GLIS1: variants seen among roughly 807,000 people sequenced by gnomAD.
The protein encoded by GLIS1 is zinc finger protein GLIS1.
Under a neutral mutation model 63.8 loss-of-function variants are expected in GLIS1, and 24 were observed. The observed-to-expected ratio is 0.38, with a 90% CI of 0.27 to 0.53. The LOEUF (loss-of-function observed/expected upper bound fraction) is 0.53, where lower values mean the gene tolerates loss of function less well. Among genes scored for constraint, GLIS1 ranks in the 20% least tolerant of loss-of-function variants. The pLI, the probability that GLIS1 is intolerant of heterozygous loss-of-function variation, is 0.85. For missense variants in GLIS1, 1,036 were observed against 1,074.1 expected, an observed-to-expected ratio of 0.96 and a Z score of 0.50; for synonymous variants, 450 against 482.5, an observed-to-expected ratio of 0.93 and a Z score of 0.88.
At chr1:53,663,031 T>C (rs1430831998) in intron 2 of GLIS1, among the ~76,000 whole-genome samples, 1 of 152,156 alleles carries the variant, frequency 6.6e-6, no homozygotes, top group Non-Finnish European at 1.5e-5. Flanking sequence ...ATGAATGGCC[T>C]CTTCCATCAC....
At chr1:53,612,656 G>A (rs1378144517) in intron 2 of GLIS1, among the ~76,000 whole-genome samples, 1 of 152,132 alleles carries the variant, frequency 6.6e-6, no homozygotes, top group African/African-American at 2.4e-5. Flanking sequence ...TAAGGCTATA[G>A]AAAGATCTGT....
chr1:53,524,351 C>T (rs982335603), intron 6 of GLIS1, among the ~76,000 whole-genome samples: 6 of 152,272 alleles, frequency 3.9e-5, no homozygotes, highest in African/African-American at 7.2e-5. Context: ...CTCTGCACAT[C>T]TCTCTCGCCA....
chr1:53,650,746 A>C (rs1002575007), intron 2 of GLIS1, among the ~76,000 whole-genome samples: 2 of 152,208 alleles, frequency 1.3e-5, no homozygotes, highest in African/African-American at 4.8e-5. Context: ...ATTACAGACT[A>C]AAGAGATGGC....
intron 4 of GLIS1, among the ~76,000 whole-genome samples, chr1:53,573,186 A>G (rs1335654788): frequency 2.6e-5 from 4 of 152,134 alleles, no homozygotes; most frequent in African/African-American, 4.8e-5. Flanking sequence ...CTCAATTACC[A>G]AGTGGCAGGC....
At chr1:53,717,002 G>A (rs1208589017) in intron 2 of GLIS1, among the ~76,000 whole-genome samples, 1 of 152,170 alleles carries the variant, frequency 6.6e-6, no homozygotes, top group Non-Finnish European at 1.5e-5. Flanking sequence ...GGTAGAGTGG[G>A]GGAAATGCAG....
chr1:53,548,013 C>T (rs1226375659), intron 4 of GLIS1, among the ~76,000 whole-genome samples: 1 of 152,214 alleles, frequency 6.6e-6, no homozygotes, highest in Non-Finnish European at 1.5e-5. Flanking sequence ...TTTTTCAAAA[C>T]TCAAGGACAG....
intron 6 of GLIS1, 105 bp from the exon 7 acceptor site, chr1:53,520,871 G>T: frequency 7.8e-7 from 1 of 1,275,822 alleles, no homozygotes; most frequent in East Asian, 2.8e-5. Flanking sequence ...CCCAGGGCAA[G>T]ACCCTTCCCT....
At chr1:53,529,445 G>A (rs1285895455) in intron 5 of GLIS1, among the ~76,000 whole-genome samples, 1 of 152,220 alleles carries the variant, frequency 6.6e-6, no homozygotes, top group Admixed American at 6.5e-5. Context: ...TCTCCATGAG[G>A]CTGTGCACGG....
intron 2 of GLIS1, among the ~76,000 whole-genome samples, chr1:53,652,035 C>T (rs947357019): frequency 6.6e-6 from 1 of 152,214 alleles, no homozygotes; most frequent in African/African-American, 2.4e-5. Context: ...ATTGACAGTA[C>T]ACCCACTGTG....
intron 2 of GLIS1, among the ~76,000 whole-genome samples, chr1:53,622,427 C>CAAAAAAAAAAAAAAAAAAAAAAA (rs60923620): frequency 7.6e-6 from 1 of 132,308 alleles, no homozygotes; most frequent in Non-Finnish European, 1.6e-5. Context: ...GACTATGTCT[C>CAAAAAAAAAAAAAAAAAAAAAAA]AAAAAAAAAA....
At chr1:53,527,868 C>T (rs890015537) in intron 5 of GLIS1, among the ~76,000 whole-genome samples, 2 of 152,336 alleles carry the variant, frequency 1.3e-5, no homozygotes, top group East Asian at 3.9e-4. Context: ...CCTGCAGGCT[C>T]ATTCTGGGCC....
At chr1:53,528,105 A>C (rs961204050) in intron 5 of GLIS1, among the ~76,000 whole-genome samples, 1 of 152,160 alleles carries the variant, frequency 6.6e-6, no homozygotes, top group African/African-American at 2.4e-5. Flanking sequence ...GTGCTGGGGC[A>C]CAGAGCGTGC....
intron 2 of GLIS1, among the ~76,000 whole-genome samples, chr1:53,694,221 G>A (rs971463859): frequency 6.6e-6 from 1 of 152,190 alleles, no homozygotes; most frequent in Admixed American, 6.5e-5. Context: ...CCAAATGGAG[G>A]GGGTGGGCCC....
At chr1:53,569,718 A>G (rs1418310344) in intron 4 of GLIS1, among the ~76,000 whole-genome samples, 1 of 152,136 alleles carries the variant, frequency 6.6e-6, no homozygotes, top group African/African-American at 2.4e-5. Flanking sequence ...ACAAAAATGA[A>G]TAGAAATAAT....
intron 4 of GLIS1, among the ~76,000 whole-genome samples, chr1:53,578,092 C>A (rs1645050715): frequency 6.6e-6 from 1 of 152,150 alleles, no homozygotes; most frequent in Non-Finnish European, 1.5e-5. Context: ...CCTCGGGGAC[C>A]TTGGAGTCCA....
intron 2 of GLIS1, among the ~76,000 whole-genome samples, chr1:53,603,587 T>G (rs1314043869): frequency 6.6e-6 from 1 of 152,212 alleles, no homozygotes; most frequent in Non-Finnish European, 1.5e-5. Context: ...CTGTCCCCAG[T>G]GACTTCACAA....
At chr1:53,684,865 G>A (rs1646314550) in intron 2 of GLIS1, among the ~76,000 whole-genome samples, 1 of 152,202 alleles carries the variant, frequency 6.6e-6, no homozygotes, top group Admixed American at 6.5e-5. Flanking sequence ...TGTGGCTTCA[G>A]GGAATTGGCT....
intron 2 of GLIS1, among the ~76,000 whole-genome samples, chr1:53,688,094 G>T (rs550610085): frequency 6.6e-6 from 1 of 152,196 alleles, no homozygotes; most frequent in Non-Finnish European, 1.5e-5. Flanking sequence ...CTGCCCCAGC[G>T]CGTTTCCTGC....
chr1:53,617,968 C>T (rs997153878), intron 2 of GLIS1, among the ~76,000 whole-genome samples: 1 of 152,306 alleles, frequency 6.6e-6, no homozygotes, highest in East Asian at 1.9e-4. Flanking sequence ...GAGTCCTGAG[C>T]CCAGAGGGAC....
Sources: gnomAD v4.1 joint callset for allele counts (sites outside exome capture counted in the v4.1 genomes callset) on GRCh38, gnomAD v4.1.1 for gene constraint, MANE v1.5 for transcripts, NCBI Gene and HGNC (gene_info 2026-07-23, HGNC 2026-07-21) for gene names.